The following GRIA1 variants were observed in gnomAD, a reference collection of about 807,000 sequenced individuals.
GRIA1 encodes glutamate receptor 1.
GRIA1 carries 31 observed loss-of-function variants against 99.2 expected under a neutral mutation model. The ratio of observed to expected loss-of-function variants is 0.31; its 90% CI spans 0.23 to 0.42. The LOEUF (loss-of-function observed/expected upper bound fraction) is 0.42, where lower values mean the gene tolerates loss of function less well. Ranked by LOEUF, GRIA1 falls within the 10% of genes least tolerant of loss-of-function variation. The pLI, the probability that GRIA1 is intolerant of heterozygous loss-of-function variation, is 1.00. For synonymous variants in GRIA1, 438 were observed against 432.4 expected (o/e 1.01, Z -0.16); for missense variants, 782 against 1,157.5 (o/e 0.68, Z 4.71).
chr5:153,680,646 C>A (rs1277565443), intron 7 of GRIA1, among the ~76,000 whole-genome samples: 1 of 152,100 alleles, frequency 6.6e-6, no homozygotes, highest in Non-Finnish European at 1.5e-5. Flanking sequence ...TGCAACCTGC[C>A]AGCCAACAAT....
At chr5:153,687,818 A>G (rs77323660) in intron 8 of GRIA1, among the ~76,000 whole-genome samples, 7,392 of 152,268 alleles carry the variant, frequency 0.049, 220 homozygotes, top group Middle Eastern at 0.12. Context: ...TATCTCATTC[A>G]TTAAGGCTAT....
chr5:153,564,690 G>A (rs1382054242), intron 2 of GRIA1, among the ~76,000 whole-genome samples: 1 of 152,196 alleles, frequency 6.6e-6, no homozygotes, highest in East Asian at 1.9e-4. Context: ...AGTCATGGCA[G>A]AGACCACTCA....
At chr5:153,804,481 C>A (rs1766275871) in intron 15 of GRIA1, among the ~76,000 whole-genome samples, 1 of 152,190 alleles carries the variant, frequency 6.6e-6, no homozygotes, top group Non-Finnish European at 1.5e-5. Flanking sequence ...AGGGGAGCTA[C>A]AACCTGTACC....
chr5:153,566,276 T>C (rs1342442549), intron 2 of GRIA1, among the ~76,000 whole-genome samples: 2 of 146,950 alleles, frequency 1.4e-5, no homozygotes, highest in Non-Finnish European at 3.0e-5. Context: ...TATATCTTCT[T>C]TGGAGAAATA....
At chr5:153,616,784 T>C (rs569748233) in intron 2 of GRIA1, among the ~76,000 whole-genome samples, 5 of 152,056 alleles carry the variant, frequency 3.3e-5, no homozygotes, top group Non-Finnish European at 2.9e-5. Context: ...TTTGGAAAAG[T>C]TGAGTTGGAG....
At chr5:153,490,256 C>T (rs1008695034), upstream of GRIA1, 3 of 173,904 alleles carry the variant, frequency 1.7e-5, no homozygotes, top group African/African-American at 7.2e-5. Context: ...GTGGGGACCC[C>T]CTGCCACCTA....
intron 2 of GRIA1, chr5:153,573,225 T>A (rs1762270924): frequency 6.6e-6 from 1 of 152,194 alleles, no homozygotes; most frequent in South Asian, 2.1e-4. Flanking sequence ...GGTACTGGCT[T>A]TTATATTTTA....
At chr5:153,789,204 T>C (rs1765150842) in intron 13 of GRIA1, among the ~76,000 whole-genome samples, 2 of 152,094 alleles carry the variant, frequency 1.3e-5, no homozygotes, top group South Asian at 4.1e-4. Context: ...TTTGTTATTG[T>C]TTCTTAAAAT....
At chr5:153,563,557 C>T (rs1407286615) in intron 2 of GRIA1, among the ~76,000 whole-genome samples, 1 of 152,196 alleles carries the variant, frequency 6.6e-6, no homozygotes, top group Non-Finnish European at 1.5e-5. Flanking sequence ...AATTAAACAA[C>T]ATGAAACTAT....
chr5:153,745,448 G>A (rs1762084256), intron 11 of GRIA1, among the ~76,000 whole-genome samples: 2 of 151,890 alleles, frequency 1.3e-5, no homozygotes, highest in African/African-American at 4.8e-5. Flanking sequence ...AATTAGCTGG[G>A]TGTGGTTGTG....
chr5:153,538,166 G>T (rs565668549), intron 2 of GRIA1, among the ~76,000 whole-genome samples: 44 of 152,270 alleles, frequency 2.9e-4, no homozygotes, highest in African/African-American at 1.0e-3. Flanking sequence ...ACAATAAAAG[G>T]GGGGCAAGCT....
rs569456121 is a variant in GRIA1, at chr5:153,599,130, C to T, written c.221-47798C>T. ...ATCTCCTGACCTCGTGATCCACCCA[C>T]CTCAGCCTGCCAAAGTGCTGGGATT... On this transcript the variant is annotated intron_variant, in intron 2 of 15. Transcript: ENST00000285900. 1.2e-4 allele frequency among the ~76,000 whole-genome samples: 19 copies of T among 152,314 alleles called. No individual in the cohort carries two copies. In the East Asian group the frequency reaches 3.1e-3, roughly 25 times the overall value.
chr5:153,637,495 A>T (rs1424346110), intron 2 of GRIA1, among the ~76,000 whole-genome samples: 1 of 152,208 alleles, frequency 6.6e-6, no homozygotes, highest in Non-Finnish European at 1.5e-5. Context: ...TCCCGGAAAG[A>T]TCCTCTTCTC....
At chr5:153,709,951 G>GT (rs1331668147) in intron 11 of GRIA1, among the ~76,000 whole-genome samples, 1 of 152,106 alleles carries the variant, frequency 6.6e-6, no homozygotes, top group East Asian at 1.9e-4. Flanking sequence ...TAAAATCAAT[G>GT]TTTTCTGCAC....
intron 13 of GRIA1, among the ~76,000 whole-genome samples, chr5:153,778,491 T>C (rs543117761): frequency 6.6e-6 from 1 of 152,120 alleles, no homozygotes; most frequent in South Asian, 2.1e-4. Context: ...AACAACACCG[T>C]GGAGGTAATA....
At chr5:153,575,225 T>C (rs1183572281) in intron 2 of GRIA1, among the ~76,000 whole-genome samples, 1 of 60,954 alleles carries the variant, frequency 1.6e-5, no homozygotes, top group Non-Finnish European at 4.0e-5. Flanking sequence ...GAGAGAGCTG[T>C]TTAAAAAAAG....
chr5:153,660,588 G>A (rs1469599661), intron 5 of GRIA1, among the ~76,000 whole-genome samples: 1 of 152,132 alleles, frequency 6.6e-6, no homozygotes, highest in East Asian at 1.9e-4. Flanking sequence ...TTTAAATCTT[G>A]TCTACAGTAG....
At chr5:153,556,795 G>A (rs1020843261) in intron 2 of GRIA1, among the ~76,000 whole-genome samples, 7 of 152,196 alleles carry the variant, frequency 4.6e-5, no homozygotes, top group Non-Finnish European at 1.0e-4. Context: ...TTCATTTACA[G>A]TTATGTGTCC....
intron 2 of GRIA1, among the ~76,000 whole-genome samples, chr5:153,592,863 C>T (rs1764088561): frequency 6.6e-6 from 1 of 152,212 alleles, no homozygotes; most frequent in African/African-American, 2.4e-5. Flanking sequence ...CAGATGGCCA[C>T]CTTCTTGCTG....
Sources: gnomAD v4.1 joint callset for allele counts (sites outside exome capture counted in the v4.1 genomes callset) on GRCh38, gnomAD v4.1.1 for gene constraint, MANE v1.5 for transcripts, NCBI Gene and HGNC (gene_info 2026-07-23, HGNC 2026-07-21) for gene names.